ACTR1B: variants seen among roughly 807,000 people sequenced by gnomAD.
ACTR1B encodes beta-centractin.
In ACTR1B, 34 loss-of-function variants were observed where a neutral mutation model predicts 49.4. The observed-to-expected ratio is 0.69, with a 90% confidence interval of 0.52 to 0.92. ACTR1B has a LOEUF of 0.92. Ranked by LOEUF, ACTR1B falls within the 40% of genes least tolerant of loss-of-function variation. The pLI is 0.00. For missense variants in ACTR1B, 471 were observed against 522.4 expected, an observed-to-expected ratio of 0.90 and a Z score of 0.96; for synonymous variants, 207 against 207.8, an observed-to-expected ratio of 1.00 and a Z score of 0.03.
chr2:97,656,844 G>A lies in ACTR1B; in HGVS notation c.*14C>T, dbSNP rs752972425. On this transcript the variant is annotated 3_prime_UTR_variant, in exon 11 of 11. Coordinates refer to ENST00000289228, the MANE Select transcript of ACTR1B (RefSeq NM_005735.4). ...CCCTCCCCCTCTCCCAACATGCCCC[G>A]CCCTCCTTGGGCACTAGAAAGTTTT... The A allele has an allele frequency of 2.0e-5, 31 of 1,559,748 alleles. No homozygotes were observed. Among genetic ancestry groups the A allele is most frequent in the Admixed American group, 1.7e-4 (9 of 52,068 alleles).
chr2:97,658,261 T>A lies in ACTR1B; in HGVS notation c.713A>T (p.Lys238Met). The change falls in exon 7 of 11, where the codon AAG (lysine) becomes ATG (methionine). Residue 238 changes from lysine (K) to methionine (M), a missense_variant. Physicochemically the swap from Lys to Met is moderately conservative, Grantham distance 95. Coordinates refer to ENST00000289228, the MANE Select transcript of ACTR1B (RefSeq NM_005735.4). The surrounding 1 kb of genome is among the most constrained non-coding windows in gnomAD (Gnocchi z 5.9). ...PQKDEALETE[K>M]VQYTLPDGST... ...GCCGTCTGGCAACGTGTACTGCACC[T>A]TCTCCGTCTCCAGAGCCTCATCCTT... 6.2e-7 allele frequency: 1 copy of A among 1,614,208 alleles called. No individual in the cohort carries two copies. Among genetic ancestry groups the A allele is most frequent in the South Asian group, 1.1e-5 (1 of 91,086 alleles).
At chr2:97,657,804 A>G (rs1674882961) in intron 8 of ACTR1B, 139 bp downstream of exon 8, 3 of 1,019,888 alleles carry the variant, frequency 2.9e-6, no homozygotes, top group African/African-American at 1.6e-5. Context: ...TTAATTTTAA[A>G]TTTTGGTCTG....
intron 2 of ACTR1B, 114 bp from the exon 3 acceptor site, chr2:97,660,760 G>A: frequency 2.0e-6 from 2 of 1,017,652 alleles, no homozygotes; most frequent in Non-Finnish European, 3.1e-6. Flanking sequence ...CCAAACACCA[G>A]GATGTGGCTG....
chr2:97,659,291 C>T lies in ACTR1B; in HGVS notation c.315+61G>A, dbSNP rs998905538. On this transcript the variant is annotated intron_variant, in intron 4 of 10. Coordinates refer to ENST00000289228, the MANE Select transcript of ACTR1B (RefSeq NM_005735.4). The surrounding 1 kb of genome is among the most constrained non-coding windows in gnomAD (Gnocchi z 4.0). ...AATGTGGGAGCCCGGCGAGGAGGGA[C>T]GCAGAGGAGAGGGGCATGGCCAGGA... 6 of 1,608,442 alleles carry T rather than the reference C, an allele frequency of 3.7e-6. No homozygotes were observed. Among genetic ancestry groups the T allele is most frequent in the Admixed American group, 1.7e-5 (1 of 59,860 alleles).
At position 97,658,189 on chromosome 2, in the gene ACTR1B, C is replaced by T. The variant is rs761931268; in HGVS notation, c.750+35G>A. 7 of 1,613,030 alleles carry T rather than the reference C, an allele frequency of 4.3e-6. No homozygotes were observed. Among genetic ancestry groups the T allele is most frequent in the Admixed American group, 1.7e-5 (1 of 60,000 alleles). ...CTACCCCTTCCCCCAGGCTGGGCATCGGCTGCCACTCCAGTGCCAGGCCCG... is the reference window on the plus strand; with the variant it reads ...CTACCCCTTCCCCCAGGCTGGGCATTGGCTGCCACTCCAGTGCCAGGCCCG... On this transcript the variant is annotated intron_variant, in intron 7 of 10. Coordinates refer to ENST00000289228, the MANE Select transcript of ACTR1B (RefSeq NM_005735.4). This position sits in a 1 kb window ranked among gnomAD's most constrained non-coding sequence, Gnocchi z 5.9.
At chr2:97,663,788 C>T (rs1675101214) in intron 1 of ACTR1B, 55 bp downstream of exon 1, 11 of 1,240,854 alleles carry the variant, frequency 8.9e-6, no homozygotes, top group Non-Finnish European at 1.1e-5. Flanking sequence ...CCTGCGCCGC[C>T]GCGTGCGCCC....
intron 2 of ACTR1B, among the ~76,000 whole-genome samples, 171 bp from the exon 3 acceptor site, chr2:97,660,817 G>A (rs1210674567): frequency 6.6e-6 from 1 of 152,220 alleles, no homozygotes; most frequent in Admixed American, 6.5e-5. Flanking sequence ...GGGCTAGAGA[G>A]GGGGCCTAGG....
rs1439575866 is a variant in ACTR1B, at chr2:97,656,929, TA to T, written c.1059del (p.Phe353LeufsTer62). ...GGSILASLDT[F>X]KKMWVSKKEY... is the part of the protein sequence containing the mutation. ...TCCTTTTTGGACACCCACATCTTCT[TA>T]AAAGTGTCCAGCGAGGCCAGGATGG... is the stretch of plus-strand genomic sequence containing the variant. On this transcript the variant is annotated frameshift_variant, in exon 11 of 11. Transcript: ENST00000289228. LOFTEE classifies it high-confidence loss of function. 1.3e-6 allele frequency: 2 copies of T among 1,595,930 alleles called. No homozygotes were observed. The highest frequency in any genetic ancestry group is 2.3e-5 in the East Asian group (1 of 44,438).
At chr2:97,660,701 TC>T in intron 2 of ACTR1B, 55 bp from the exon 3 acceptor site, 1 of 1,573,848 alleles carries the variant, frequency 6.4e-7, no homozygotes, top group Non-Finnish European at 8.7e-7. Context: ...AGAGCTTGTG[TC>T]CAGAAAAACC....
At chr2:97,663,549 G>A (rs1464733165) in intron 1 of ACTR1B, among the ~76,000 whole-genome samples, 1 of 152,144 alleles carries the variant, frequency 6.6e-6, no homozygotes, top group Non-Finnish European at 1.5e-5. Flanking sequence ...AGAGTCCGGG[G>A]CGCGTCCCCG....
At chr2:97,657,713 C>T (rs950561691) in intron 8 of ACTR1B, among the ~76,000 whole-genome samples, 3 of 152,214 alleles carry the variant, frequency 2.0e-5, no homozygotes, top group South Asian at 2.1e-4. Context: ...GAGATGAAGC[C>T]GCACATGCTC....
Position 97,658,738 on chromosome 2 carries a change from C to G in ACTR1B, c.441-95G>C. The G allele has an allele frequency of 6.3e-7, 1 of 1,581,460 alleles. No individual in the cohort carries two copies. The highest frequency in any genetic ancestry group is 1.1e-5 in the South Asian group (1 of 90,110). On this transcript the variant is annotated intron_variant, in intron 5 of 10. Coordinates refer to ENST00000289228, the MANE Select transcript of ACTR1B (RefSeq NM_005735.4). This position sits in a 1 kb window ranked among gnomAD's most constrained non-coding sequence, Gnocchi z 5.9. ...CCCTGGCACATCTGCATTATCTAGTCTGAAGAGAGGACACGAGGGACTCCC... is the reference window on the plus strand; with the variant it reads ...CCCTGGCACATCTGCATTATCTAGTGTGAAGAGAGGACACGAGGGACTCCC...
At position 97,664,001 on chromosome 2, in the gene ACTR1B, C is replaced by T. The variant is rs971844261; in HGVS notation, c.-111G>A. The T allele has an allele frequency of 1.7e-5, 10 of 603,936 alleles. No homozygotes were observed. The highest frequency in any genetic ancestry group is 4.7e-6 in the Non-Finnish European group (2 of 424,858). 37.4% of individuals were successfully genotyped at this position (603,936 alleles called of 1,614,324 possible). ...GCTCCCGACGCGGCGCCGCTGCCCT[C>T]CCTCCCCGAGCCTGCAGCCTACGCG... On this transcript the variant is annotated 5_prime_UTR_variant, in exon 1 of 11. Transcript: ENST00000289228.
At position 97,659,504 on chromosome 2, in the gene ACTR1B, C is replaced by A; in HGVS notation, c.190-27G>T. The A allele has an allele frequency of 1.2e-6, 2 of 1,611,232 alleles. No homozygotes were observed. Among genetic ancestry groups the A allele is most frequent in the Non-Finnish European group, 1.7e-6 (2 of 1,179,688 alleles). On this transcript the variant is annotated intron_variant, in intron 3 of 10. Transcript: ENST00000289228. This position sits in a 1 kb window ranked among gnomAD's most constrained non-coding sequence, Gnocchi z 4.0. ...TGGTGGGGTGGGAAGGGAGGTGTGG[C>A]ACCCGGCCCTTGCTCAGCGGCTGCT...
In ACTR1B at chr2:97,659,226, A is replaced by G; in HGVS notation, c.315+126T>C. The G allele has an allele frequency of 1.3e-6, 2 of 1,490,192 alleles. No individual in the cohort carries two copies. Among genetic ancestry groups the G allele is most frequent in the Non-Finnish European group, 1.8e-6 (2 of 1,096,324 alleles). The allele number at this position is 1,490,192 out of a possible 1,614,324, so 92.3% of individuals were successfully genotyped here. A position where few individuals can be genotyped will look rare whatever the true frequency, so the allele number is the denominator to read the frequency against. ...TGGGTACGTATGCGCACCCAGACAC[A>G]CACGGAAAGGCAGCAGGCCCTCTAG... On this transcript the variant is annotated intron_variant, in intron 4 of 10. Coordinates refer to ENST00000289228, the MANE Select transcript of ACTR1B (RefSeq NM_005735.4). This position sits in a 1 kb window ranked among gnomAD's most constrained non-coding sequence, Gnocchi z 4.0.
chr2:97,658,271 C>CCAGA lies in ACTR1B; in HGVS notation c.699_702dup (p.Glu235SerfsTer17). On this transcript the variant is annotated frameshift_variant, in exon 7 of 11. Coordinates refer to ENST00000289228, the MANE Select transcript of ACTR1B (RefSeq NM_005735.4). LOFTEE classifies it high-confidence loss of function. This position sits in a 1 kb window ranked among gnomAD's most constrained non-coding sequence, Gnocchi z 5.9. ...AACGTGTACTGCACCTTCTCCGTCT[C>CCAGA]CAGAGCCTCATCCTTCTGTGGGTTG... The CCAGA allele has an allele frequency of 6.2e-7, 1 of 1,614,202 alleles. No individual in the cohort carries two copies. The highest frequency in any genetic ancestry group is 8.5e-7 in the Non-Finnish European group (1 of 1,180,030).
chr2:97,659,707 G>C lies in ACTR1B; in HGVS notation c.190-230C>G, dbSNP rs1314239009. The C allele has an allele frequency of 1.7e-6, 1 of 595,964 alleles. No homozygotes were observed. The highest frequency in any genetic ancestry group is 1.9e-5 in the African/African-American group (1 of 53,398). The allele number at this position is 595,964 out of a possible 1,614,324, so 36.9% of individuals were successfully genotyped here. A position where few individuals can be genotyped will look rare whatever the true frequency, so the allele number is the denominator to read the frequency against. On this transcript the variant is annotated intron_variant, in intron 3 of 10. Transcript: ENST00000289228. This position sits in a 1 kb window ranked among gnomAD's most constrained non-coding sequence, Gnocchi z 4.0. ...GAGCCCAGCTAGCTTCAGCTGGGGG[G>C]ATCAGAGAGGGTGGCAGTGTGCCCC... is the stretch of plus-strand genomic sequence containing the variant.
chr2:97,659,015 G>C lies in ACTR1B; in HGVS notation c.316-12C>G, dbSNP rs146121896. On this transcript the variant is annotated splice_polypyrimidine_tract_variant and intron_variant, in intron 4 of 10. Coordinates refer to ENST00000289228, the MANE Select transcript of ACTR1B (RefSeq NM_005735.4). This position sits in a 1 kb window ranked among gnomAD's most constrained non-coding sequence, Gnocchi z 4.0. ...AGGAGCACAGGATGCTGCGAGGGAC[G>C]GGACAGTTGTAGGCATCAGAGGAGG... The C allele has an allele frequency of 6.2e-7, 1 of 1,613,956 alleles. No individual in the cohort carries two copies. The highest frequency in any genetic ancestry group is 2.2e-5 in the East Asian group (1 of 44,874).
chr2:97,660,488 A>G, intron 3 of ACTR1B, 83 bp downstream of exon 3: 2 of 1,416,872 alleles, frequency 1.4e-6, no homozygotes, highest in South Asian at 1.2e-5. Context: ...CCGGGAGGTC[A>G]CCAGCAGAGG....
Sources: gnomAD v4.1 joint callset for allele counts (sites outside exome capture counted in the v4.1 genomes callset) on GRCh38, gnomAD v4.1.1 for gene constraint, Gnocchi (gnomAD v3.1) non-coding constraint, MANE v1.5 for transcripts, NCBI Gene and HGNC (gene_info 2026-07-23, HGNC 2026-07-21) for gene names.